Variants in FAM193A observed in about 807,000 individuals in gnomAD.
FAM193A encodes the protein protein FAM193A.
FAM193A carries 22 observed loss-of-function variants against 126.5 expected under a neutral mutation model. The ratio of observed to expected loss-of-function variants is 0.17; its 90% confidence interval spans 0.12 to 0.25. The LOEUF is 0.25. FAM193A is among the 10% of genes least tolerant of loss of function. FAM193A has a pLI of 1.00. For missense variants in FAM193A, 1,675 were observed against 1,672.8 expected, an observed-to-expected ratio of 1.00 and a Z score of -0.02; for synonymous variants, 761 against 646.8, an observed-to-expected ratio of 1.18 and a Z score of -2.68.
At chr4:2,684,079 C>G (rs1197478239) in intron 13 of FAM193A, among the ~76,000 whole-genome samples, 3 of 152,340 alleles carry the variant, frequency 2.0e-5, no homozygotes, top group East Asian at 3.9e-4. Context: ...CCATTAGAGC[C>G]TTTGGCCTAC....
chr4:2,572,136 G>T (rs1739325866), intron 1 of FAM193A, among the ~76,000 whole-genome samples: 1 of 145,420 alleles, frequency 6.9e-6, no homozygotes, highest in Admixed American at 7.0e-5. Context: ...CTGCAGTCCA[G>T]CCTGGGCGAC....
chr4:2,676,310 A>G (rs759264592), intron 13 of FAM193A, among the ~76,000 whole-genome samples: 1 of 152,226 alleles, frequency 6.6e-6, no homozygotes, highest in Non-Finnish European at 1.5e-5. Flanking sequence ...CTTTTTTAAT[A>G]GTAACCATCC....
intron 1 of FAM193A, among the ~76,000 whole-genome samples, chr4:2,538,886 A>G (rs967893492): frequency 6.6e-6 from 1 of 151,318 alleles, no homozygotes; most frequent in Non-Finnish European, 1.5e-5. Context: ...ATATAACTTT[A>G]TTATTTTTAT....
chr4:2,716,318 C>G (rs528674099), intron 20 of FAM193A, among the ~76,000 whole-genome samples: 23 of 152,348 alleles, frequency 1.5e-4, no homozygotes, highest in Middle Eastern at 3.4e-3. Context: ...TCTGCTCCCC[C>G]TCACATGCTA....
At chr4:2,724,716 C>G (rs1463961232) in intron 20 of FAM193A, among the ~76,000 whole-genome samples, 4 of 151,954 alleles carry the variant, frequency 2.6e-5, no homozygotes, top group Non-Finnish European at 5.9e-5. Context: ...TCTCAAAAAC[C>G]AAACAGAGGA....
intron 20 of FAM193A, among the ~76,000 whole-genome samples, chr4:2,728,896 CTTTTTTTTTT>C (rs34029424): frequency 3.1e-5 from 3 of 97,146 alleles, no homozygotes; most frequent in African/African-American, 5.2e-5. Context: ...ACCTCCAAAA[CTTTTTTTTTT>C]TTTTTTTTTT....
At chr4:2,582,341 A>T (rs1276155398) in intron 1 of FAM193A, among the ~76,000 whole-genome samples, 2 of 151,918 alleles carry the variant, frequency 1.3e-5, no homozygotes, top group Non-Finnish European at 2.9e-5. Context: ...AGGTCTTGCT[A>T]TGTTGCCCAG....
chr4:2,635,494 A>G (rs1333732321), intron 5 of FAM193A, among the ~76,000 whole-genome samples: 1 of 152,258 alleles, frequency 6.6e-6, no homozygotes, highest in South Asian at 2.1e-4. Flanking sequence ...AATGTAACAA[A>G]TAATACACTT....
intron 19 of FAM193A, among the ~76,000 whole-genome samples, chr4:2,708,547 A>G (rs1421775613): frequency 6.6e-6 from 1 of 151,234 alleles, no homozygotes; most frequent in East Asian, 2.0e-4. Context: ...ACTGCAGCCT[A>G]CGCCTTCTGG....
chr4:2,672,399 AG>A (rs1403441786), intron 13 of FAM193A, 27 bp downstream of exon 13: 2 of 1,611,930 alleles, frequency 1.2e-6, no homozygotes, highest in African/African-American at 2.7e-5. Flanking sequence ...AGGGTCTGAA[AG>A]CTCACTCTTC....
intron 12 of FAM193A, among the ~76,000 whole-genome samples, chr4:2,671,479 T>G (rs1202932942): frequency 2.0e-5 from 3 of 152,098 alleles, no homozygotes; most frequent in Non-Finnish European, 4.4e-5. Context: ...GCCGACCGAG[T>G]CAGGGGTGGA....
chr4:2,621,188 C>T (rs1040720311), intron 2 of FAM193A, among the ~76,000 whole-genome samples: 1 of 152,178 alleles, frequency 6.6e-6, no homozygotes, highest in Non-Finnish European at 1.5e-5. Context: ...CCTTCTTCTT[C>T]ACCGTCCCTG....
At chr4:2,728,473 T>C (rs1721004342) in intron 20 of FAM193A, among the ~76,000 whole-genome samples, 1 of 152,080 alleles carries the variant, frequency 6.6e-6, no homozygotes, top group African/African-American at 2.4e-5. Context: ...CATTTGTGCA[T>C]AGACTGTCAG....
At chr4:2,670,296 T>C (rs1277116291) in intron 12 of FAM193A, among the ~76,000 whole-genome samples, 5 of 152,212 alleles carry the variant, frequency 3.3e-5, no homozygotes, top group African/African-American at 1.2e-4. Context: ...TTGTTTCTCT[T>C]TTTTTGTAGT....
chr4:2,623,037 C>T (rs938178317), intron 2 of FAM193A, among the ~76,000 whole-genome samples: 4 of 152,046 alleles, frequency 2.6e-5, no homozygotes, highest in African/African-American at 9.7e-5. Flanking sequence ...ACTGCTGTCC[C>T]GCACTCTGCC....
chr4:2,715,595 G>A, intron 19 of FAM193A: 1 of 854,748 alleles, frequency 1.2e-6, no homozygotes, highest in Non-Finnish European at 1.4e-6. Flanking sequence ...CTTAACATGG[G>A]CCTGTCCCCT....
At position 2,626,316 on chromosome 4, in the gene FAM193A, G is replaced by T; in HGVS notation, c.636-94G>T. The stretch of plus-strand genomic sequence containing the variant: ...CCGGCTCCTGGGAGCTGGGCAAGGT[G>T]CAAGAGCCTGGGAGGTCCTCTGAGG... On this transcript the variant is annotated intron_variant, in intron 3 of 20. Coordinates refer to ENST00000637812, the MANE Select transcript of FAM193A (RefSeq NM_001366318.2). 4 of 643,504 alleles carry T rather than the reference G, an allele frequency of 6.2e-6. No homozygotes were observed. In the South Asian group the frequency reaches 6.8e-5, roughly 11 times the overall value. 39.9% of individuals were successfully genotyped at this position (643,504 alleles called of 1,614,324 possible).
At chr4:2,578,930 C>CAGAGGCAGAGGAGGTAGAG (rs1739762425) in intron 1 of FAM193A, among the ~76,000 whole-genome samples, 1 of 151,622 alleles carries the variant, frequency 6.6e-6, no homozygotes, top group Non-Finnish European at 1.5e-5. Context: ...TCAGGGGTGT[C>CAGAGGCAGAGGAGGTAGAG]AGAGGCAGAG....
intron 17 of FAM193A, 31 bp from the exon 18 acceptor site, chr4:2,696,332 A>G: frequency 1.3e-6 from 2 of 1,490,908 alleles, no homozygotes; most frequent in South Asian, 1.2e-5. Flanking sequence ...AAATTTTTAA[A>G]ACTTAAGCAT....
Sources: allele counts gnomAD v4.1 joint callset (sites outside exome capture counted in the v4.1 genomes callset), GRCh38; gene constraint gnomAD v4.1.1; transcripts MANE v1.5; gene names NCBI Gene and HGNC (gene_info 2026-07-23, HGNC 2026-07-21).